Variants in ANXA9 observed in about 807,000 individuals in gnomAD.
ANXA9 encodes annexin A9, also known as annexin 31.
Under a neutral mutation model 51.8 loss-of-function variants are expected in ANXA9, and 47 were observed. The ratio of observed to expected loss-of-function variants is 0.91; its 90% CI spans 0.72 to 1.16. The LOEUF is 1.16. Among genes scored for constraint, ANXA9 ranks in the 50% most tolerant of loss-of-function variants. The probability of loss-of-function intolerance (pLI) is 0.00; values close to 1 mark genes in which losing one functional copy is unlikely to be tolerated. For missense variants in ANXA9, 361 were observed against 424.7 expected (o/e 0.85, Z 1.32); for synonymous variants, 154 against 168.7 (o/e 0.91, Z 0.68).
At position 150,984,253 on chromosome 1, in the gene ANXA9, C is replaced by T. The variant is rs772536305; in HGVS notation, c.268-28C>T. ...TGGGGCCCTTCCCCTCACCCCCGTCCCTCTGCTGTGAGGACCATTTATTGT... is the reference window on the plus strand; with the variant it reads ...TGGGGCCCTTCCCCTCACCCCCGTCTCTCTGCTGTGAGGACCATTTATTGT... On this transcript the variant is annotated intron_variant, in intron 5 of 13. Transcript: ENST00000368947. 9 of 1,598,092 alleles carry T rather than the reference C, an allele frequency of 5.6e-6. 1 individual carries two copies. Among genetic ancestry groups the T allele is most frequent in the Middle Eastern group, 1.7e-4 (1 of 6,058 alleles).
Position 150,983,426 on chromosome 1 carries a change from C to G in ANXA9, c.164C>G (p.Thr55Ser). 6.2e-7 allele frequency: 1 copy of G among 1,610,818 alleles called. No homozygotes were observed. The highest frequency in any genetic ancestry group is 8.5e-7 in the Non-Finnish European group (1 of 1,178,536). Residue 55 changes from threonine (T) to serine (S), a missense_variant, in exon 4 of 14, where the codon ACT (threonine) becomes AGT (serine). Physicochemically the swap from Thr to Ser is moderately conservative, Grantham distance 58. Transcript: ENST00000368947. ...GCGCAGAGGCTACTGAGGGCCATTA[C>G]TGGCCAAGGTGAGCCCCTTTCCCCC... ...KDAQRLLRAITGQGVDRSAIV... is the reference protein window; with the variant it reads ...KDAQRLLRAISGQGVDRSAIV...
rs765396866 is a variant in ANXA9, at chr1:150,994,612, C to G, written c.888C>G (p.Ile296Met). The G allele has an allele frequency of 3.1e-6, 5 of 1,613,924 alleles. No individual in the cohort carries two copies. The African/African-American group carries it at 6.7e-5, about 22-fold the overall frequency. Residue 296 changes from isoleucine (I) to methionine (M), a missense_variant, in exon 13 of 14, where the codon ATC becomes ATG. Physicochemically the swap from Ile to Met is conservative, Grantham distance 10. Transcript: ENST00000368947. Reference protein sequence around the residue: ...TEPNYQVLIRILISRCETDLL... With the variant: ...TEPNYQVLIRMLISRCETDLL... Reference sequence around the variant, plus strand: ...CCAATTACCAAGTCCTGATTCGCATCCTTATCTCTCGATGTGAGACTGACC... The same window carrying G: ...CCAATTACCAAGTCCTGATTCGCATGCTTATCTCTCGATGTGAGACTGACC...
chr1:150,993,931 G>T (rs983009350), intron 12 of ANXA9, among the ~76,000 whole-genome samples: 1 of 152,140 alleles, frequency 6.6e-6, no homozygotes, highest in African/African-American at 2.4e-5. Context: ...ACTGTGCCTG[G>T]CCTGTTATTT....
intron 3 of ANXA9, 40 bp from the exon 4 acceptor site, chr1:150,983,298 C>T (rs759823219): frequency 2.5e-6 from 4 of 1,606,788 alleles, no homozygotes; most frequent in Non-Finnish European, 3.4e-6. Context: ...GTGTAGGCAG[C>T]CTGGCCCTGG....
chr1:150,992,599 C>T (rs1355957811), intron 12 of ANXA9, among the ~76,000 whole-genome samples: 3 of 151,936 alleles, frequency 2.0e-5, no homozygotes, highest in African/African-American at 7.3e-5. Flanking sequence ...CACTTGAGGT[C>T]AGGAGTTTGA....
chr1:150,987,723 T>G, intron 9 of ANXA9, 149 bp from the exon 10 acceptor site: 1 of 653,438 alleles, frequency 1.5e-6, no homozygotes, highest in South Asian at 2.0e-5. Flanking sequence ...ATGAGAGTCC[T>G]TCTCAAAAAA....
At chr1:150,983,570 C>T in intron 4 of ANXA9, 136 bp downstream of exon 4, 1 of 849,332 alleles carries the variant, frequency 1.2e-6, no homozygotes. Flanking sequence ...TCAGGCGCCA[C>T]AGTAGGTGTG....
Position 150,988,331 on chromosome 1 carries a change from A to C in ANXA9, c.842A>C (p.Gln281Pro). 6.2e-7 allele frequency: 1 copy of C among 1,614,050 alleles called. No individual in the cohort carries two copies. Among genetic ancestry groups the C allele is most frequent in the East Asian group, 2.2e-5 (1 of 44,878 alleles). Residue 281 changes from glutamine (Q) to proline (P), a missense_variant, in exon 12 of 14, where the codon CAA becomes CCA. Gln to Pro is a moderately conservative substitution (Grantham distance 76, BLOSUM62 -1). Transcript: ENST00000368947. The part of the protein sequence containing the change: ...TPLYFADKLH[Q>P]ALQETEPNYQ... ...CTGTACTTTGCTGACAAACTTCATCAAGCCCTCCAGGTGAGAGGGGCACTC... is the reference window on the plus strand; with the variant it reads ...CTGTACTTTGCTGACAAACTTCATCCAGCCCTCCAGGTGAGAGGGGCACTC...
At chr1:150,978,056 A>G (rs1487149603), upstream of ANXA9, among the ~76,000 whole-genome samples, 1 of 152,102 alleles carries the variant, frequency 6.6e-6, no homozygotes, top group Non-Finnish European at 1.5e-5. Flanking sequence ...GAATTGCTTG[A>G]ACCTAGGAGG....
chr1:150,988,554 A>G (rs997844488), intron 12 of ANXA9, among the ~76,000 whole-genome samples: 4 of 152,174 alleles, frequency 2.6e-5, no homozygotes, highest in African/African-American at 9.6e-5. Context: ...TGAAACTAAC[A>G]TTTTGGCCTT....
At chr1:150,984,486 C>A in intron 6 of ANXA9, 92 bp downstream of exon 6, 1 of 1,532,494 alleles carries the variant, frequency 6.5e-7, no homozygotes, top group Non-Finnish European at 9.0e-7. Context: ...TCTCGTCGTC[C>A]CATATTGTTT....
chr1:150,977,973 T>C (rs940271672), upstream of ANXA9, among the ~76,000 whole-genome samples: 1 of 151,664 alleles, frequency 6.6e-6, no homozygotes, highest in African/African-American at 2.4e-5. Context: ...TCATCTCTAC[T>C]AAAAATACAA....
chr1:150,991,151 AAAT>A (rs1553246214), intron 12 of ANXA9, among the ~76,000 whole-genome samples: 1 of 151,154 alleles, frequency 6.6e-6, no homozygotes, highest in South Asian at 2.1e-4. Context: ...TCTAAAAAAA[AAAT>A]AATAATAATA....
chr1:150,988,427 A>G (rs1671620614), intron 12 of ANXA9, 86 bp downstream of exon 12: 3 of 1,498,634 alleles, frequency 2.0e-6, no homozygotes, highest in South Asian at 2.3e-5. Context: ...TAACCATCCT[A>G]TATACACCGT....
At chr1:150,984,099 G>A (rs1240976587) in intron 5 of ANXA9, 30 bp downstream of exon 5, 3 of 1,598,960 alleles carry the variant, frequency 1.9e-6, no homozygotes, top group Admixed American at 3.6e-5. Flanking sequence ...CCACAGCAGT[G>A]GACTGGGGTG....
chr1:150,983,863 C>T, intron 4 of ANXA9, 112 bp from the exon 5 acceptor site: 2 of 1,000,984 alleles, frequency 2.0e-6, no homozygotes, highest in Middle Eastern at 2.8e-4. Flanking sequence ...TGATATAGCC[C>T]CTGCTCCTTT....
At chr1:150,979,007 A>C (rs1051076196), upstream of ANXA9, among the ~76,000 whole-genome samples, 4 of 151,872 alleles carry the variant, frequency 2.6e-5, no homozygotes, top group Admixed American at 2.0e-4. Flanking sequence ...CCTCTCTAAG[A>C]TTTCCTCCAA....
At position 150,983,190 on chromosome 1, in the gene ANXA9, G is replaced by A. The variant is rs1351268140; in HGVS notation, c.75+10G>A. The A allele has an allele frequency of 1.2e-6, 2 of 1,613,470 alleles. No homozygotes were observed. Among genetic ancestry groups the A allele is most frequent in the South Asian group, 1.1e-5 (1 of 91,026 alleles). On this transcript the variant is annotated intron_variant, in intron 3 of 13. Transcript: ENST00000368947. ...GGGCCTGGCCAGCAAGGTAGGGGCTGTTGGGATTTTAGAGATCACTTTTAG... is the reference window on the plus strand; with the variant it reads ...GGGCCTGGCCAGCAAGGTAGGGGCTATTGGGATTTTAGAGATCACTTTTAG...
chr1:150,991,036 T>A (rs1427758996), intron 12 of ANXA9, among the ~76,000 whole-genome samples: 2 of 150,810 alleles, frequency 1.3e-5, no homozygotes, highest in Non-Finnish European at 3.0e-5. Flanking sequence ...CCAGCTACGC[T>A]GGAGGCTAAG....
Sources: gnomAD v4.1 joint callset for allele counts (sites outside exome capture counted in the v4.1 genomes callset) on GRCh38, gnomAD v4.1.1 for gene constraint, MANE v1.5 for transcripts, NCBI Gene and HGNC (gene_info 2026-07-23, HGNC 2026-07-21) for gene names.